SDC2: variants seen among roughly 807,000 people sequenced by gnomAD.
SDC2 encodes the protein syndecan 2, also known as syndecan-2.
Under a neutral mutation model 22.2 loss-of-function variants are expected in SDC2, and 13 were observed. The ratio of observed to expected loss-of-function variants is 0.59; its 90% CI spans 0.38 to 0.93. The LOEUF is 0.93. Among genes scored for constraint, SDC2 ranks in the 40% least tolerant of loss-of-function variants. The pLI is 0.00. For missense variants in SDC2, 235 were observed against 246.8 expected (o/e 0.95, Z 0.32); for synonymous variants, 94 against 92.8 (o/e 1.01, Z -0.07).
chr8:96,554,863 T>C (rs1054327705), intron 1 of SDC2, among the ~76,000 whole-genome samples: 2 of 152,214 alleles, frequency 1.3e-5, no homozygotes, highest in African/African-American at 2.4e-5. Flanking sequence ...CATCCTGCCT[T>C]CAGCACAGGT....
At chr8:96,592,895 G>T (rs574011183) in intron 1 of SDC2, among the ~76,000 whole-genome samples, 18 of 152,334 alleles carry the variant, frequency 1.2e-4, no homozygotes, top group Admixed American at 1.0e-3. Context: ...CACTGTGGCT[G>T]GCCTCAGCAC....
chr8:96,540,093 A>G (rs562663653), intron 1 of SDC2, among the ~76,000 whole-genome samples: 1 of 151,906 alleles, frequency 6.6e-6, no homozygotes, highest in African/African-American at 2.4e-5. Flanking sequence ...TCATTACATG[A>G]ATATGAAAAT....
In SDC2 at chr8:96,494,256, C is replaced by T. The variant is rs1038797981; in HGVS notation, c.-16C>T. ...GGTTGCAAGCAGCGGCTGGGAGCAG[C>T]CGGTCCCTGGGGAATATGCGGCGCG... is the stretch of plus-strand genomic sequence containing the variant. On this transcript the variant is annotated 5_prime_UTR_variant, in exon 1 of 5. Transcript: ENST00000302190. 3.2e-6 allele frequency: 5 copies of T among 1,543,116 alleles called. No homozygotes were observed. In the African/African-American group the frequency reaches 5.5e-5, roughly 17 times the overall value.
In SDC2 at chr8:96,580,862, T is replaced by C. The variant is rs868451486; in HGVS notation, c.61-12618T>C. ...GGGAAGAATTGAATATCCTAGAGAG[T>C]ATGGGGATTTTTATAAAATAGTGTT... is the stretch of plus-strand genomic sequence containing the variant. On this transcript the variant is annotated intron_variant, in intron 1 of 4. Transcript: ENST00000302190. Among the ~76,000 whole-genome samples the C allele has an allele frequency of 2.0e-5, 3 of 152,112 alleles. No individual in the cohort carries two copies. The South Asian group carries it at 6.2e-4, about 32-fold the overall frequency.
chr8:96,556,695 A>T (rs1330061734), intron 1 of SDC2, among the ~76,000 whole-genome samples: 2 of 152,220 alleles, frequency 1.3e-5, no homozygotes, highest in Non-Finnish European at 2.9e-5. Flanking sequence ...AGGCAGTACC[A>T]TTGAGGACAT....
intron 2 of SDC2, among the ~76,000 whole-genome samples, chr8:96,594,856 G>C (rs1195063031): frequency 6.6e-6 from 1 of 152,212 alleles, no homozygotes; most frequent in Non-Finnish European, 1.5e-5. Context: ...TATGAGTGAA[G>C]AGGGGATAAG....
chr8:96,522,123 T>C (rs1813506071), intron 1 of SDC2, among the ~76,000 whole-genome samples: 1 of 152,226 alleles, frequency 6.6e-6, no homozygotes, highest in South Asian at 2.1e-4. Context: ...GGAATGTCTT[T>C]GTTTGCATTT....
rs143406756 is a variant in SDC2, at chr8:96,509,244, T to A, written c.60+14913T>A. Among the ~76,000 whole-genome samples, 465 of 141,808 alleles carry A rather than the reference T, an allele frequency of 3.3e-3. 37 individuals carry two copies. The highest frequency in any genetic ancestry group is 0.011 in the African/African-American group (440 of 39,814). 93.0% of individuals were successfully genotyped at this position (141,808 alleles called of 152,430 possible). A position where few individuals can be genotyped will look rare whatever the true frequency, so the allele number is the denominator to read the frequency against. On this transcript the variant is annotated intron_variant, in intron 1 of 4. Coordinates refer to ENST00000302190, the MANE Select transcript of SDC2 (RefSeq NM_002998.4). ...GTGTTGTGAGGGCTAATGCCTTAATTAATGGGTGTCAAGCAGTAATAAGAG... is the reference window on the plus strand; with the variant it reads ...GTGTTGTGAGGGCTAATGCCTTAATAAATGGGTGTCAAGCAGTAATAAGAG...
At chr8:96,514,771 T>G (rs1179106354) in intron 1 of SDC2, among the ~76,000 whole-genome samples, 2 of 151,734 alleles carry the variant, frequency 1.3e-5, no homozygotes, top group Non-Finnish European at 2.9e-5. Context: ...TTCACAGGGG[T>G]TTGCATTCCT....
At chr8:96,532,030 G>T (rs1426038355) in intron 1 of SDC2, among the ~76,000 whole-genome samples, 1 of 152,178 alleles carries the variant, frequency 6.6e-6, no homozygotes, top group East Asian at 1.9e-4. Context: ...GTTGACCTTG[G>T]AGAAGTTCTA....
intron 1 of SDC2, among the ~76,000 whole-genome samples, chr8:96,531,803 T>C (rs117373848): frequency 6.6e-6 from 1 of 152,354 alleles, no homozygotes; most frequent in East Asian, 1.9e-4. Flanking sequence ...TCTAGTGTAA[T>C]GAGGGCTTGG....
chr8:96,534,277 A>T (rs1813716257), intron 1 of SDC2, among the ~76,000 whole-genome samples: 1 of 152,178 alleles, frequency 6.6e-6, no homozygotes, highest in Admixed American at 6.5e-5. Context: ...GGTGGGCTGA[A>T]GGGCCCACCT....
chr8:96,579,300 T>G (rs113656263), intron 1 of SDC2, among the ~76,000 whole-genome samples: 28 of 152,392 alleles, frequency 1.8e-4, no homozygotes, highest in African/African-American at 6.5e-4. Context: ...TGGCTGTTGA[T>G]GCTAGTGAGG....
chr8:96,580,901 C>T (rs143312928), intron 1 of SDC2, among the ~76,000 whole-genome samples: 1 of 152,296 alleles, frequency 6.6e-6, no homozygotes, highest in East Asian at 1.9e-4. Context: ...TTTAGCATCA[C>T]TTTTCATTTA....
At chr8:96,514,257 C>T (rs1406984475) in intron 1 of SDC2, among the ~76,000 whole-genome samples, 1 of 152,106 alleles carries the variant, frequency 6.6e-6, no homozygotes, top group African/African-American at 2.4e-5. Flanking sequence ...TGAGTCAGAG[C>T]AGTGAGTGCC....
chr8:96,602,636 AC>A, intron 3 of SDC2, 108 bp downstream of exon 3: 1 of 1,247,798 alleles, frequency 8.0e-7, no homozygotes, highest in Non-Finnish European at 1.1e-6. Context: ...TTTTGGAGCT[AC>A]CCATCATGAA....
At chr8:96,498,134 G>A (rs965417639) in intron 1 of SDC2, among the ~76,000 whole-genome samples, 16 of 152,068 alleles carry the variant, frequency 1.1e-4, no homozygotes, top group South Asian at 2.1e-4. Context: ...TGGTTTCCAC[G>A]TCCAGTCTGC....
chr8:96,497,062 AAATATGTTT>A (rs1813088249), intron 1 of SDC2, among the ~76,000 whole-genome samples: 2 of 152,214 alleles, frequency 1.3e-5, no homozygotes. Flanking sequence ...TTTGAACTGG[AAATATGTTT>A]AAGAAAAGGA....
At chr8:96,554,555 A>G (rs1250512281) in intron 1 of SDC2, among the ~76,000 whole-genome samples, 2 of 152,106 alleles carry the variant, frequency 1.3e-5, no homozygotes, top group Non-Finnish European at 2.9e-5. Flanking sequence ...TCAATTTCAC[A>G]TACTTTTATC....
Sources: gnomAD v4.1 joint callset for allele counts (sites outside exome capture counted in the v4.1 genomes callset) on GRCh38, gnomAD v4.1.1 for gene constraint, MANE v1.5 for transcripts, NCBI Gene and HGNC (gene_info 2026-07-23, HGNC 2026-07-21) for gene names.